Variants in UBE2M observed in about 807,000 individuals in gnomAD.
UBE2M encodes ubiquitin conjugating enzyme E2 M.
In UBE2M, 2 loss-of-function variants were observed where a neutral mutation model predicts 23.5. That is an observed-to-expected ratio of 0.09 (90% CI 0.03 to 0.27). The LOEUF is 0.27. Ranked by LOEUF, UBE2M falls within the 10% of genes least tolerant of loss-of-function variation. UBE2M has a pLI of 1.00. For synonymous variants in UBE2M, 97 were observed against 95.2 expected (o/e 1.02, Z -0.11); for missense variants, 103 against 232.9 (o/e 0.44, Z 3.63).
In UBE2M at chr19:58,556,012, C is replaced by T; in HGVS notation, c.*77G>A. The T allele has an allele frequency of 6.5e-7, 1 of 1,548,308 alleles. No individual in the cohort carries two copies. Among genetic ancestry groups the T allele is most frequent in the Non-Finnish European group, 8.8e-7 (1 of 1,141,152 alleles). ...CCCCCACCGGCCGCCCCCCAAACCC[C>T]TACCCATGGCCCCCAATAAATATTT... On this transcript the variant is annotated 3_prime_UTR_variant, in exon 6 of 6. Coordinates refer to ENST00000253023, the MANE Select transcript of UBE2M (RefSeq NM_003969.4). This position sits in a 1 kb window ranked among gnomAD's most constrained non-coding sequence, Gnocchi z 4.9.
chr19:58,556,975 T>C lies in UBE2M; in HGVS notation c.205-45A>G, dbSNP rs1229144465. On this transcript the variant is annotated intron_variant, in intron 2 of 5. Transcript: ENST00000253023. The surrounding 1 kb of genome is among the most constrained non-coding windows in gnomAD (Gnocchi z 4.9). ...AAGAAAATTTTAGGGTTCCATCCTGTGGGGCCCGATGGGCAGAACATGTCT... is the reference window on the plus strand; with the variant it reads ...AAGAAAATTTTAGGGTTCCATCCTGCGGGGCCCGATGGGCAGAACATGTCT... 1 of 1,613,912 alleles carries C rather than the reference T, an allele frequency of 6.2e-7. No individual in the cohort carries two copies.
At chr19:58,557,213 AGAGG>A in intron 1 of UBE2M, 56 bp from the exon 2 acceptor site, 2 of 1,540,432 alleles carry the variant, frequency 1.3e-6, no homozygotes, top group Non-Finnish European at 1.8e-6. Context: ...AGAGAGAGAG[AGAGG>A]GAGCCAGCAG....
Position 58,556,873 on chromosome 19 carries a change from C to T in UBE2M, c.243+19G>A, listed in dbSNP as rs1368683000. The T allele has an allele frequency of 1.9e-6, 3 of 1,613,968 alleles. No homozygotes were observed. Among genetic ancestry groups the T allele is most frequent in the African/African-American group, 1.3e-5 (1 of 74,920 alleles). ...GCCTCCTCTGTCCAGGGAGCCATCCCTGCCCGCCTGGGACTCACCTTAAAA... is the reference window on the plus strand; with the variant it reads ...GCCTCCTCTGTCCAGGGAGCCATCCTTGCCCGCCTGGGACTCACCTTAAAA... On this transcript the variant is annotated intron_variant, in intron 3 of 5. Coordinates refer to ENST00000253023, the MANE Select transcript of UBE2M (RefSeq NM_003969.4). This position sits in a 1 kb window ranked among gnomAD's most constrained non-coding sequence, Gnocchi z 4.9.
At position 58,556,783 on chromosome 19, in the gene UBE2M, T is replaced by C. The variant is rs1187919622; in HGVS notation, c.251A>G (p.Gln84Arg). 6.3e-7 allele frequency: 1 copy of C among 1,598,218 alleles called. No individual in the cohort carries two copies. Among genetic ancestry groups the C allele is most frequent in the Non-Finnish European group, 8.5e-7 (1 of 1,171,956 alleles). The change falls in exon 4 of 6, where the codon CAG (glutamine) becomes CGG (arginine). Residue 84 changes from glutamine (Q) to arginine (R), a missense_variant. Gln to Arg is a conservative substitution (Grantham distance 43). Transcript: ENST00000253023. This position sits in a 1 kb window ranked among gnomAD's most constrained non-coding sequence, Gnocchi z 4.9. ...CTTGGGGGGATCATGCGGGTAACCCTGGCCCACCTGGCTCCAGGAAAAGAA... is the reference window on the plus strand; with the variant it reads ...CTTGGGGGGATCATGCGGGTAACCCCGGCCCACCTGGCTCCAGGAAAAGAA... ...GKFVFSFKVG[Q>R]GYPHDPPKVK...
chr19:58,558,311 C>T lies in UBE2M; in HGVS notation c.71G>A (p.Ser24Asn). 1 of 1,602,580 alleles carries T rather than the reference C, an allele frequency of 6.2e-7. No homozygotes were observed. The highest frequency in any genetic ancestry group is 8.5e-7 in the Non-Finnish European group (1 of 1,175,368). Residue 24 changes from serine (S) to asparagine (N), a missense_variant, in exon 1 of 6, where the codon AGC (serine) becomes AAC (asparagine). Ser to Asn is a conservative substitution (Grantham distance 46). Coordinates refer to ENST00000253023, the MANE Select transcript of UBE2M (RefSeq NM_003969.4). The surrounding 1 kb of genome is among the most constrained non-coding windows in gnomAD (Gnocchi z 4.7). ...EESAGGTKGS[S>N]KKASAAQLRI... ...CAGCTGCGCCGCCGACGCCTTCTTG[C>T]TGCTGCCCTTGGTGCCGCCCGCCGA...
Position 58,555,795 on chromosome 19 carries a change from T to C in UBE2M, c.*294A>G, listed in dbSNP as rs1452519923. ...GCCTGGGCCCAGCTACCCAGGCCCG[T>C]TGCCCACCCACTCCACAGCCCAGAG... On this transcript the variant is annotated 3_prime_UTR_variant, in exon 6 of 6. Transcript: ENST00000253023. The C allele has an allele frequency of 2.5e-5, 11 of 433,650 alleles. No individual in the cohort carries two copies. The highest frequency in any genetic ancestry group is 4.3e-5 in the Non-Finnish European group (10 of 234,358). 26.9% of individuals were successfully genotyped at this position (433,650 alleles called of 1,614,324 possible).
At position 58,556,249 on chromosome 19, in the gene UBE2M, G is replaced by T. The variant is rs374482215; in HGVS notation, c.412-20C>A. On this transcript the variant is annotated intron_variant, in intron 5 of 5. Coordinates refer to ENST00000253023, the MANE Select transcript of UBE2M (RefSeq NM_003969.4). The surrounding 1 kb of genome is among the most constrained non-coding windows in gnomAD (Gnocchi z 4.9). ...GGGCTCCTGTGGCCAGTACAGGTAG[G>T]GGGGGTCAACAGGCCAGAGGGACAG... The T allele has an allele frequency of 1.7e-5, 28 of 1,613,962 alleles. No homozygotes were observed. Among genetic ancestry groups the T allele is most frequent in the Middle Eastern group, 1.7e-4 (1 of 6,060 alleles).
chr19:58,557,208 G>C, intron 1 of UBE2M, 51 bp from the exon 2 acceptor site: 2 of 1,544,352 alleles, frequency 1.3e-6, no homozygotes, highest in African/African-American at 1.4e-5. Context: ...GGGGAAGAGA[G>C]AGAGAGAGGG....
At chr19:58,557,557 C>T (rs2053900201) in intron 1 of UBE2M, among the ~76,000 whole-genome samples, 1 of 151,834 alleles carries the variant, frequency 6.6e-6, no homozygotes, top group African/African-American at 2.4e-5. Flanking sequence ...AAGATCCTGC[C>T]CACCCCCACC....
Position 58,556,331 on chromosome 19 carries a change from C to T in UBE2M, c.396G>A (p.Leu132=). ...TCCTACTCACCAAGAAGAGATACTGCAGGCCATAAATTATGGAGTTTATCG... is the reference window on the plus strand; with the variant it reads ...TCCTACTCACCAAGAAGAGATACTGTAGGCCATAAATTATGGAGTTTATCG... The part of the protein sequence containing the change: ...VLTINSIIYG[L]QYLFLEPNPE... The change falls in exon 5 of 6, where the codon CTG becomes CTA. Residue 132 remains leucine (L), a synonymous_variant. Transcript: ENST00000253023. The surrounding 1 kb of genome is among the most constrained non-coding windows in gnomAD (Gnocchi z 4.9). The T allele has an allele frequency of 6.2e-7, 1 of 1,614,090 alleles. No homozygotes were observed.
In UBE2M at chr19:58,558,162, C is replaced by T. The variant is rs2053905219; in HGVS notation, c.109+111G>A. On this transcript the variant is annotated intron_variant, in intron 1 of 5. Coordinates refer to ENST00000253023, the MANE Select transcript of UBE2M (RefSeq NM_003969.4). The surrounding 1 kb of genome is among the most constrained non-coding windows in gnomAD (Gnocchi z 4.7). The stretch of plus-strand genomic sequence containing the variant: ...TCCGACCCCCCCCACGCTCGGGGCC[C>T]TTCACCTCTGACCCTCAGCAACCGC... 3 of 913,712 alleles carry T rather than the reference C, an allele frequency of 3.3e-6. No homozygotes were observed. The highest frequency in any genetic ancestry group is 4.8e-6 in the Non-Finnish European group (3 of 618,620). The allele number at this position is 913,712 out of a possible 1,614,324, so 56.6% of individuals were successfully genotyped here.
rs1312296284 is a variant in UBE2M at position 58,557,098 on chromosome 19, G to A, written c.169C>T (p.Leu57Phe). ...CDISFSDPDD[L>F]LNFKLVICPD... ...CAGATGACCAGCTTGAAGTTGAGGA[G>A]GTCGTCTGGATCTGAGAAGCTGATA... The change falls in exon 2 of 6, where the codon CTC (leucine) becomes TTC (phenylalanine). Residue 57 changes from leucine (L) to phenylalanine (F), a missense_variant. This residue lies in a region of UBE2M where 57 missense variants were observed against 103.3 expected (regional missense o/e 0.55). Coordinates refer to ENST00000253023, the MANE Select transcript of UBE2M (RefSeq NM_003969.4). 6.2e-7 allele frequency: 1 copy of A among 1,614,064 alleles called. No individual in the cohort carries two copies. The highest frequency in any genetic ancestry group is 1.7e-5 in the Admixed American group (1 of 60,024).
At chr19:58,557,196 G>T in intron 1 of UBE2M, 39 bp from the exon 2 acceptor site, 1 of 1,592,654 alleles carries the variant, frequency 6.3e-7, no homozygotes, top group Non-Finnish European at 8.6e-7. Flanking sequence ...CAGAAAGAGG[G>T]AGGGGAAGAG....
rs757510263 is a variant in UBE2M, at chr19:58,558,390, C to CGCCGCCGCCGCT, written c.-21_-10dup. The stretch of plus-strand genomic sequence containing the variant: ...GAGAACAGCTTGATCATCCTGCCGC[C>CGCCGCCGCCGCT]GCCGCCGCCGCTGCCGCCGCCGCGG... On this transcript the variant is annotated 5_prime_UTR_variant, in exon 1 of 6. Coordinates refer to ENST00000253023, the MANE Select transcript of UBE2M (RefSeq NM_003969.4). This position sits in a 1 kb window ranked among gnomAD's most constrained non-coding sequence, Gnocchi z 4.7. The CGCCGCCGCCGCT allele has an allele frequency of 2.9e-6, 4 of 1,376,870 alleles. No individual in the cohort carries two copies. The highest frequency in any genetic ancestry group is 2.3e-5 in the Admixed American group (1 of 43,350). 85.3% of individuals were successfully genotyped at this position (1,376,870 alleles called of 1,614,324 possible).
chr19:58,556,869 A>G lies in UBE2M; in HGVS notation c.243+23T>C, dbSNP rs1295160930. 1.9e-6 allele frequency: 3 copies of G among 1,614,050 alleles called. No individual in the cohort carries two copies. Among genetic ancestry groups the G allele is most frequent in the East Asian group, 2.2e-5 (1 of 44,892 alleles). ...TGCTGCCTCCTCTGTCCAGGGAGCC[A>G]TCCCTGCCCGCCTGGGACTCACCTT... On this transcript the variant is annotated intron_variant, in intron 3 of 5. Transcript: ENST00000253023. This position sits in a 1 kb window ranked among gnomAD's most constrained non-coding sequence, Gnocchi z 4.9.
rs1600091212 is a variant in UBE2M at position 58,556,638 on chromosome 19, G to C, written c.347+49C>G. 6.8e-7 allele frequency: 1 copy of C among 1,461,290 alleles called. No individual in the cohort carries two copies. Among genetic ancestry groups the C allele is most frequent in the Admixed American group, 2.3e-5 (1 of 43,754 alleles). The allele number at this position is 1,461,290 out of a possible 1,614,324, so 90.5% of individuals were successfully genotyped here. A position where few individuals can be genotyped will look rare whatever the true frequency, so the allele number is the denominator to read the frequency against. On this transcript the variant is annotated intron_variant, in intron 4 of 5. Transcript: ENST00000253023. The surrounding 1 kb of genome is among the most constrained non-coding windows in gnomAD (Gnocchi z 4.9). ...GTAGTGCCCACAAGACCATGAGGGA[G>C]GCCTGGCAGGCAGCGCTGAGGAGGG...
Position 58,556,042 on chromosome 19 carries a change from G to A in UBE2M, c.*47C>T. 2 of 1,583,890 alleles carry A rather than the reference G, an allele frequency of 1.3e-6. No homozygotes were observed. The highest frequency in any genetic ancestry group is 2.3e-4 in the Middle Eastern group (1 of 4,346). On this transcript the variant is annotated 3_prime_UTR_variant, in exon 6 of 6. Transcript: ENST00000253023. The surrounding 1 kb of genome is among the most constrained non-coding windows in gnomAD (Gnocchi z 4.9). ...CATGGCCCCCAATAAATATTTGCAG[G>A]GGATGCCAGGGCTTGTGGCCGTGGC...
rs141434364 is a variant in UBE2M, at chr19:58,556,904, C to T, written c.231G>A (p.Val77=). 13 of 1,613,962 alleles carry T rather than the reference C, an allele frequency of 8.1e-6. No individual in the cohort carries two copies. The highest frequency in any genetic ancestry group is 1.1e-5 in the Non-Finnish European group (13 of 1,180,008). ...DEGFYKSGKF[V]FSFKVGQGYP... Reference sequence around the variant, plus strand: ...GCCTGGGACTCACCTTAAAACTGAACACAAACTTCCCACTCTTGTAGAAGC... The same window carrying T: ...GCCTGGGACTCACCTTAAAACTGAATACAAACTTCCCACTCTTGTAGAAGC... The change falls in exon 3 of 6, where the codon GTG becomes GTA. Residue 77 remains valine (V), a synonymous_variant. Coordinates refer to ENST00000253023, the MANE Select transcript of UBE2M (RefSeq NM_003969.4). The surrounding 1 kb of genome is among the most constrained non-coding windows in gnomAD (Gnocchi z 4.9).
chr19:58,556,556 G>C lies in UBE2M; in HGVS notation c.347+131C>G. The C allele has an allele frequency of 9.2e-7, 1 of 1,082,132 alleles. No individual in the cohort carries two copies. Among genetic ancestry groups the C allele is most frequent in the South Asian group, 1.6e-5 (1 of 62,634 alleles). 67.0% of individuals were successfully genotyped at this position (1,082,132 alleles called of 1,614,324 possible). A position where few individuals can be genotyped will look rare whatever the true frequency, so the allele number is the denominator to read the frequency against. ...ACCAAGGTCAGGCCATGAGGAAGAT[G>C]ACTGGGAAATCAAGAAACCACAGAC... On this transcript the variant is annotated intron_variant, in intron 4 of 5. Transcript: ENST00000253023. This position sits in a 1 kb window ranked among gnomAD's most constrained non-coding sequence, Gnocchi z 4.9.
Sources: gnomAD v4.1 joint callset for allele counts (sites outside exome capture counted in the v4.1 genomes callset) on GRCh38, gnomAD v4.1.1 for gene constraint, gnomAD v4.1.1 regional missense constraint, Gnocchi (gnomAD v3.1) non-coding constraint, MANE v1.5 for transcripts, NCBI Gene and HGNC (gene_info 2026-07-23, HGNC 2026-07-21) for gene names.